Variants in SPACA1 observed in about 807,000 individuals in gnomAD.
SPACA1 encodes sperm acrosome membrane-associated protein 1.
A neutral mutation model predicts 32.6 loss-of-function variants in SPACA1; 17 were observed. The observed-to-expected ratio is 0.52, with a 90% CI of 0.36 to 0.78. The LOEUF is 0.78. Among genes scored for constraint, SPACA1 ranks in the 30% least tolerant of loss-of-function variants. The pLI is 0.01. For missense variants in SPACA1, 363 were observed against 373.4 expected, an observed-to-expected ratio of 0.97 and a Z score of 0.23; for synonymous variants, 140 against 138.1, an observed-to-expected ratio of 1.01 and a Z score of -0.10.
chr6:88,064,267 C>A (rs913865931), intron 6 of SPACA1, 48 bp downstream of exon 6: 14 of 1,566,906 alleles, frequency 8.9e-6, no homozygotes, highest in Non-Finnish European at 1.1e-5. Context: ...ACATCCTCTT[C>A]TTCCCCCTCC....
chr6:88,054,079 C>G (rs1373594196), intron 2 of SPACA1, 77 bp downstream of exon 2: 1 of 1,284,462 alleles, frequency 7.8e-7, no homozygotes, highest in Non-Finnish European at 1.1e-6. Flanking sequence ...TAGTGTGCAA[C>G]TTTGTAACTT....
intron 1 of SPACA1, among the ~76,000 whole-genome samples, chr6:88,051,873 C>T (rs1254287281): frequency 6.6e-6 from 1 of 152,200 alleles, no homozygotes; most frequent in East Asian, 1.9e-4. Flanking sequence ...ATGATAACAG[C>T]ATCTTTTTCC....
At chr6:88,048,252 C>T in intron 1 of SPACA1, 139 bp downstream of exon 1, 4 of 899,078 alleles carry the variant, frequency 4.4e-6, no homozygotes, top group Non-Finnish European at 6.7e-6. Flanking sequence ...GAGTTTGTCC[C>T]TTTCTTGCAT....
Position 88,059,450 on chromosome 6 carries a change from T to C in SPACA1, c.475-3T>C, listed in dbSNP as rs868835549. On this transcript the variant is annotated splice_polypyrimidine_tract_variant and splice_region_variant and intron_variant, in intron 4 of 6. Coordinates refer to ENST00000237201, the MANE Select transcript of SPACA1 (RefSeq NM_030960.3). ...ACTTTGTTATTTTTTTCTTTTTAAATAGCAATCCATTATACTTGTAAATGA... is the reference window on the plus strand; with the variant it reads ...ACTTTGTTATTTTTTTCTTTTTAAACAGCAATCCATTATACTTGTAAATGA... 1.9e-6 allele frequency: 3 copies of C among 1,592,488 alleles called. No individual in the cohort carries two copies. Among genetic ancestry groups the C allele is most frequent in the Middle Eastern group, 1.7e-4 (1 of 5,958 alleles).
At chr6:88,058,189 T>A (rs1281130376) in intron 3 of SPACA1, among the ~76,000 whole-genome samples, 2 of 152,204 alleles carry the variant, frequency 1.3e-5, no homozygotes, top group African/African-American at 4.8e-5. Context: ...GTAGGTCAAT[T>A]ACAACTTATT....
At chr6:88,054,258 C>T (rs12153833) in intron 2 of SPACA1, among the ~76,000 whole-genome samples, 29,553 of 149,134 alleles carry the variant, frequency 0.2, 3,252 homozygotes, top group Middle Eastern at 0.3. Flanking sequence ...ACTGCCTTCA[C>T]CAAAGTAAAA....
intron 1 of SPACA1, among the ~76,000 whole-genome samples, chr6:88,049,013 G>A (rs1400832317): frequency 3.3e-5 from 5 of 152,152 alleles, no homozygotes; most frequent in Non-Finnish European, 2.9e-5. Context: ...GTGTCTACCA[G>A]CCTTTCTTTC....
chr6:88,048,481 G>T (rs1383043441), intron 1 of SPACA1, among the ~76,000 whole-genome samples: 1 of 149,900 alleles, frequency 6.7e-6, no homozygotes, highest in Non-Finnish European at 1.5e-5. Context: ...TTTTTTTCAA[G>T]TTCCAAGTTG....
intron 1 of SPACA1, among the ~76,000 whole-genome samples, chr6:88,050,316 A>G (rs1452998861): frequency 3.3e-5 from 5 of 152,174 alleles, no homozygotes; most frequent in Non-Finnish European, 7.4e-5. Context: ...CCAGAAATAT[A>G]ATGTTTACTC....
At chr6:88,053,270 A>T (rs957396095) in intron 1 of SPACA1, among the ~76,000 whole-genome samples, 3 of 152,184 alleles carry the variant, frequency 2.0e-5, no homozygotes, top group Non-Finnish European at 4.4e-5. Context: ...TATTTTTTCT[A>T]TTGAGACTTT....
At chr6:88,055,087 A>T (rs564150874) in intron 2 of SPACA1, among the ~76,000 whole-genome samples, 1 of 152,154 alleles carries the variant, frequency 6.6e-6, no homozygotes, top group East Asian at 1.9e-4. Context: ...GAGTCATAAA[A>T]TGAGAGAAAT....
At chr6:88,050,407 C>T (rs931886351) in intron 1 of SPACA1, among the ~76,000 whole-genome samples, 1 of 152,170 alleles carries the variant, frequency 6.6e-6, no homozygotes, top group Non-Finnish European at 1.5e-5. Context: ...TTTGCTTATA[C>T]AATCAATTTC....
rs1775667116 is a variant in SPACA1, at chr6:88,047,979, A to G, written c.74A>G (p.Gln25Arg). The stretch of plus-strand genomic sequence containing the variant: ...GGCTGGCTGCTTCTGGCGGGCCTCC[A>G]GTCCGCGCGCGGGACCAACGTCACC... ...TVGWLLLAGLQSARGTNVTAA... is the reference protein window; with the variant it reads ...TVGWLLLAGLRSARGTNVTAA... The change falls in exon 1 of 7, where the codon CAG (glutamine) becomes CGG (arginine). Residue 25 changes from glutamine (Q) to arginine (R), a missense_variant. Transcript: ENST00000237201. 1 of 1,566,618 alleles carries G rather than the reference A, an allele frequency of 6.4e-7. No individual in the cohort carries two copies.
intron 5 of SPACA1, among the ~76,000 whole-genome samples, chr6:88,060,880 G>T (rs1311881902): frequency 1.3e-5 from 2 of 152,210 alleles, no homozygotes; most frequent in Non-Finnish European, 2.9e-5. Flanking sequence ...TTAAAGGCTG[G>T]AGCACAGACC....
rs781199770 is a variant in SPACA1 at position 88,059,474 on chromosome 6, G to A, written c.496G>A (p.Asp166Asn). ...QDQQSIILVN[D>N]SAILEVRKES... ...ATAGCAATCCATTATACTTGTAAATGATTCAGCAATCCTAGAAGTACGCAA... is the reference window on the plus strand; with the variant it reads ...ATAGCAATCCATTATACTTGTAAATAATTCAGCAATCCTAGAAGTACGCAA... Residue 166 changes from aspartate (D) to asparagine (N), a missense_variant, in exon 5 of 7, where the codon GAT (aspartate) becomes AAT (asparagine). Physicochemically the swap from Asp to Asn is conservative, Grantham distance 23 (BLOSUM62 1). Transcript: ENST00000237201. 8.7e-6 allele frequency: 14 copies of A among 1,610,980 alleles called. No homozygotes were observed. The highest frequency in any genetic ancestry group is 1.2e-5 in the Non-Finnish European group (14 of 1,178,758).
intron 5 of SPACA1, among the ~76,000 whole-genome samples, chr6:88,060,758 T>A (rs554464850): frequency 6.6e-6 from 1 of 152,192 alleles, no homozygotes; most frequent in Non-Finnish European, 1.5e-5. Flanking sequence ...ATATTAAAGG[T>A]GTGTGGAGCC....
At chr6:88,063,964 A>C in intron 5 of SPACA1, 135 bp from the exon 6 acceptor site, 1 of 958,968 alleles carries the variant, frequency 1.0e-6, no homozygotes, top group South Asian at 2.3e-5. Context: ...GCAGAGCAAG[A>C]TCATTAATAA....
intron 1 of SPACA1, among the ~76,000 whole-genome samples, chr6:88,049,832 C>T (rs1290244807): frequency 1.3e-5 from 2 of 152,126 alleles, no homozygotes; most frequent in Non-Finnish European, 2.9e-5. Flanking sequence ...GGAATGCATT[C>T]ATCATGTTAA....
Position 88,048,124 on chromosome 6 carries a change from G to A in SPACA1, c.208+11G>A. On this transcript the variant is annotated intron_variant, in intron 1 of 6. Coordinates refer to ENST00000237201, the MANE Select transcript of SPACA1 (RefSeq NM_030960.3). ...CTGAAACCGAGGATGGTGAGGGCGG[G>A]AGCTCCCTTGCGGGGCACGCGGAGG... The A allele has an allele frequency of 6.3e-7, 1 of 1,577,882 alleles. No individual in the cohort carries two copies. The highest frequency in any genetic ancestry group is 8.6e-7 in the Non-Finnish European group (1 of 1,162,156).
Sources: allele counts gnomAD v4.1 joint callset (sites outside exome capture counted in the v4.1 genomes callset), GRCh38; gene constraint gnomAD v4.1.1; transcripts MANE v1.5; gene names NCBI Gene and HGNC (gene_info 2026-07-23, HGNC 2026-07-21).